PPFIA2: variants seen among roughly 807,000 people sequenced by gnomAD.
The protein encoded by PPFIA2 is PPFI scaffold protein A2.
Under a neutral mutation model 175.5 loss-of-function variants are expected in PPFIA2, and 46 were observed. The observed-to-expected ratio is 0.26, with a 90% CI of 0.21 to 0.34. PPFIA2 has a LOEUF of 0.34. Ranked by LOEUF, PPFIA2 falls within the 10% of genes least tolerant of loss-of-function variation. The pLI, the probability that PPFIA2 is intolerant of heterozygous loss-of-function variation, is 1.00. For synonymous variants in PPFIA2, 568 were observed against 511.4 expected (o/e 1.11, Z -1.49); for missense variants, 1,179 against 1,506.1 (o/e 0.78, Z 3.60).
rs113908321 is a variant in PPFIA2 at position 81,632,999 on chromosome 12, T to C, written c.303+43792A>G. ...CCTGACTAGGAAAAGTAATGATTAC[T>C]GTCGTTGAATCACTCTGCGTTATAT... On this transcript the variant is annotated intron_variant, in intron 4 of 32. Transcript: ENST00000549396. 2.6e-3 allele frequency among the ~76,000 whole-genome samples: 389 copies of C among 152,206 alleles called. 3 individuals are homozygous for C. Among genetic ancestry groups the C allele is most frequent in the African/African-American group, 8.5e-3 (355 of 41,584 alleles).
At chr12:81,593,991 C>T (rs934369141) in intron 4 of PPFIA2, among the ~76,000 whole-genome samples, 8 of 152,166 alleles carry the variant, frequency 5.3e-5, no homozygotes, top group Non-Finnish European at 1.0e-4. Context: ...CCATTACTCA[C>T]ATTACCGCCT....
chr12:81,336,941 A>G (rs141568951), intron 21 of PPFIA2, among the ~76,000 whole-genome samples: 2 of 152,254 alleles, frequency 1.3e-5, no homozygotes, highest in East Asian at 3.9e-4. Flanking sequence ...AATAAGCAGT[A>G]CTAGGTTGTA....
chr12:81,510,145 T>C (rs2061616725), intron 4 of PPFIA2, among the ~76,000 whole-genome samples: 1 of 152,178 alleles, frequency 6.6e-6, no homozygotes, highest in South Asian at 2.1e-4. Flanking sequence ...ATATATTTAT[T>C]ATATATCAAT....
At chr12:81,697,730 T>C (rs1038469870) in intron 3 of PPFIA2, among the ~76,000 whole-genome samples, 2 of 152,120 alleles carry the variant, frequency 1.3e-5, no homozygotes, top group African/African-American at 4.8e-5. Context: ...ACATTTCCTC[T>C]AGACCAAGAC....
At chr12:81,404,780 A>G (rs2042641272) in intron 8 of PPFIA2, among the ~76,000 whole-genome samples, 1 of 152,014 alleles carries the variant, frequency 6.6e-6, no homozygotes, top group African/African-American at 2.4e-5. Flanking sequence ...AAGTCCCTCT[A>G]TTTTTTCTAA....
rs1370161981 is a variant in PPFIA2 at position 81,312,234 on chromosome 12, AATC to A, written c.2643-12855_2643-12853del. On this transcript the variant is annotated intron_variant, in intron 22 of 32. Coordinates refer to ENST00000549396, the MANE Select transcript of PPFIA2 (RefSeq NM_003625.5). ...ACACAAATGTTAATGGATACAGTTC[AATC>A]CAAAGAAAACCATGGAATAAAACAA... 2.1e-6 allele frequency: 3 copies of A among 1,395,368 alleles called. No individual in the cohort carries two copies. In the Admixed American group the frequency reaches 6.4e-5, roughly 30 times the overall value. The allele number at this position is 1,395,368 out of a possible 1,614,324, so 86.4% of individuals were successfully genotyped here.
chr12:81,604,317 T>C (rs1420523465), intron 4 of PPFIA2, among the ~76,000 whole-genome samples: 2 of 151,672 alleles, frequency 1.3e-5, no homozygotes, highest in Non-Finnish European at 3.0e-5. Context: ...GTGCTAGGTG[T>C]GTATTTGTAT....
intron 4 of PPFIA2, among the ~76,000 whole-genome samples, chr12:81,628,212 C>T (rs1214055832): frequency 1.3e-5 from 2 of 151,960 alleles, no homozygotes; most frequent in Admixed American, 1.3e-4. Context: ...ATCAACCGAG[C>T]ACCTCTATCA....
chr12:81,357,611 A>T (rs1357570144), intron 16 of PPFIA2, among the ~76,000 whole-genome samples: 1 of 152,210 alleles, frequency 6.6e-6, no homozygotes, highest in East Asian at 1.9e-4. Context: ...TTAAAATACC[A>T]ATTTTAATTA....
intron 3 of PPFIA2, among the ~76,000 whole-genome samples, chr12:81,735,232 A>G (rs1157208154): frequency 1.3e-5 from 2 of 151,764 alleles, no homozygotes; most frequent in East Asian, 3.9e-4. Flanking sequence ...GCCAATTAGC[A>G]ATGTATGAAA....
intron 4 of PPFIA2, among the ~76,000 whole-genome samples, chr12:81,477,069 G>C (rs1206302250): frequency 1.3e-5 from 2 of 152,076 alleles, no homozygotes; most frequent in African/African-American, 4.8e-5. Context: ...GGTAGCGGGG[G>C]AAGGGAGAGC....
At chr12:81,567,079 C>G (rs1231630574) in intron 4 of PPFIA2, among the ~76,000 whole-genome samples, 1 of 152,190 alleles carries the variant, frequency 6.6e-6, no homozygotes, top group African/African-American at 2.4e-5. Context: ...CTGAGTGGCG[C>G]TCTGTCGCCC....
At position 81,466,755 on chromosome 12, in the gene PPFIA2, A is replaced by ACT. The variant is rs2055712657; in HGVS notation, c.304-8890_304-8889insAG. 2.6e-5 allele frequency among the ~76,000 whole-genome samples: 4 copies of ACT among 151,996 alleles called. No homozygotes were observed. The South Asian group carries it at 8.3e-4, about 32-fold the overall frequency. On this transcript the variant is annotated intron_variant, in intron 4 of 32. Transcript: ENST00000549396. The stretch of plus-strand genomic sequence containing the variant: ...TTGGGAACGTATTTGGAGGCAAGGT[A>ACT]GGGTTTTCTCAGTATCCCCACAATG...
chr12:81,637,928 T>A (rs1008076173), intron 4 of PPFIA2, among the ~76,000 whole-genome samples: 2 of 152,182 alleles, frequency 1.3e-5, no homozygotes, highest in Admixed American at 1.3e-4. Flanking sequence ...AGGTATAGAT[T>A]TTAAACGAGA....
intron 24 of PPFIA2, among the ~76,000 whole-genome samples, chr12:81,286,798 A>G (rs2043545245): frequency 6.6e-6 from 1 of 151,964 alleles, no homozygotes; most frequent in Non-Finnish European, 1.5e-5. Context: ...TATAGAATTT[A>G]TTTTCTTCTA....
chr12:81,558,096 T>TA (rs1346759365), intron 4 of PPFIA2, among the ~76,000 whole-genome samples: 2 of 152,102 alleles, frequency 1.3e-5, no homozygotes, highest in Non-Finnish European at 2.9e-5. Context: ...CAAATCACCC[T>TA]AAAAAGATAA....
intron 3 of PPFIA2, among the ~76,000 whole-genome samples, chr12:81,748,904 A>G (rs1271003113): frequency 1.4e-5 from 2 of 144,798 alleles, no homozygotes; most frequent in Admixed American, 7.3e-5. Context: ...ACACATAATA[A>G]CAGCCTACGC....
intron 4 of PPFIA2, among the ~76,000 whole-genome samples, chr12:81,489,339 T>C (rs1246585875): frequency 6.6e-6 from 1 of 151,784 alleles, no homozygotes; most frequent in Admixed American, 6.6e-5. Context: ...TTTCACAAAA[T>C]GCTTTGGAAG....
chr12:81,367,213 T>A, intron 13 of PPFIA2, 43 bp from the exon 14 acceptor site: 1 of 1,171,774 alleles, frequency 8.5e-7, no homozygotes, highest in Non-Finnish European at 1.1e-6. Context: ...AAATTAAACA[T>A]AAAATACTTA....
Sources: gnomAD v4.1 joint callset for allele counts (sites outside exome capture counted in the v4.1 genomes callset) on GRCh38, gnomAD v4.1.1 for gene constraint, MANE v1.5 for transcripts, NCBI Gene and HGNC (gene_info 2026-07-23, HGNC 2026-07-21) for gene names.